AATK: variants seen among roughly 807,000 people sequenced by gnomAD.
The protein encoded by AATK is lemur tail kinase 1.
In AATK, 91 loss-of-function variants were observed where a neutral mutation model predicts 114.3. The observed-to-expected ratio is 0.80, with a 90% confidence interval of 0.67 to 0.95. AATK has a LOEUF of 0.95. Among genes scored for constraint, AATK ranks in the 40% least tolerant of loss-of-function variants. The pLI, the probability that AATK is intolerant of heterozygous loss-of-function variation, is 0.00. For missense variants in AATK, 2,176 were observed against 1,965.2 expected, an observed-to-expected ratio of 1.11 and a Z score of -2.03; for synonymous variants, 1,075 against 916.5, an observed-to-expected ratio of 1.17 and a Z score of -3.12.
At chr17:81,147,670 C>T (rs1468026608) in intron 1 of AATK, among the ~76,000 whole-genome samples, 1 of 151,916 alleles carries the variant, frequency 6.6e-6, no homozygotes, top group African/African-American at 2.4e-5. Context: ...GTCGGAGGAT[C>T]GCTTAAGCCC....
intron 1 of AATK, among the ~76,000 whole-genome samples, chr17:81,154,290 C>A (rs1157940334): frequency 1.3e-5 from 2 of 151,102 alleles, no homozygotes; most frequent in African/African-American, 4.9e-5. Flanking sequence ...TTCATAAATC[C>A]AATTTTCTTT....
rs375323038 is a variant in AATK, at chr17:81,119,433, G to A, written c.4031C>T (p.Thr1344Met). ...CACGTGCGTGATGGAGAAGCGGGAC[G>A]TGGGCGCGGGCGACACCGTGAAGCG... ...FSRFTVSPAP[T>M]SRFSITHVSD... The change falls in exon 13 of 14, where the codon ACG (threonine) becomes ATG (methionine). Residue 1344 changes from threonine to methionine, a missense_variant. Physicochemically the swap from Thr to Met is moderately conservative, Grantham distance 81. Coordinates refer to ENST00000326724, the MANE Select transcript of AATK (RefSeq NM_001080395.3). The A allele has an allele frequency of 3.1e-5, 48 of 1,524,944 alleles. No homozygotes were observed. Among genetic ancestry groups the A allele is most frequent in the Middle Eastern group, 3.5e-4 (2 of 5,724 alleles). The allele number at this position is 1,524,944 out of a possible 1,614,324, so 94.5% of individuals were successfully genotyped here.
intron 1 of AATK, among the ~76,000 whole-genome samples, chr17:81,150,220 C>T (rs1209445355): frequency 6.6e-6 from 1 of 151,900 alleles, no homozygotes; most frequent in African/African-American, 2.4e-5. Context: ...TTCTACAAGC[C>T]CCTGAGCTGT....
chr17:81,143,216 G>A (rs1429635223), intron 1 of AATK, among the ~76,000 whole-genome samples: 6 of 150,528 alleles, frequency 4.0e-5, no homozygotes, highest in Non-Finnish European at 7.4e-5. Context: ...CCCCCGCAAC[G>A]TGCACACGTC....
chr17:81,150,776 G>T (rs2061284704), intron 1 of AATK, among the ~76,000 whole-genome samples: 2 of 152,222 alleles, frequency 1.3e-5, no homozygotes, highest in South Asian at 4.1e-4. Context: ...GTGGCCAGCA[G>T]GTGGGCCTCG....
chr17:81,138,995 A>T (rs1375150508), intron 1 of AATK, among the ~76,000 whole-genome samples: 2 of 149,644 alleles, frequency 1.3e-5, no homozygotes, highest in Non-Finnish European at 3.0e-5. Context: ...GTGCGTACAC[A>T]CGCATGCACG....
chr17:81,138,312 C>T (rs1017074563), intron 1 of AATK, among the ~76,000 whole-genome samples: 2 of 150,528 alleles, frequency 1.3e-5, no homozygotes, highest in Non-Finnish European at 3.0e-5. Context: ...CATATCCACA[C>T]ACGTGCACAC....
intron 4 of AATK, 60 bp from the exon 5 acceptor site, chr17:81,127,970 C>A: frequency 6.5e-7 from 1 of 1,539,132 alleles, no homozygotes; most frequent in Non-Finnish European, 8.8e-7. Flanking sequence ...GGCTTCCAGG[C>A]CTTACTCTTC....
At chr17:81,127,274 C>A (rs1002940336) in intron 6 of AATK, among the ~76,000 whole-genome samples, 1 of 152,020 alleles carries the variant, frequency 6.6e-6, no homozygotes, top group African/African-American at 2.4e-5. Context: ...GTGCCCCCCC[C>A]CAGTTGGCCC....
chr17:81,149,709 A>T (rs1196717541), intron 1 of AATK, among the ~76,000 whole-genome samples: 1 of 151,444 alleles, frequency 6.6e-6, no homozygotes, highest in Non-Finnish European at 1.5e-5. Context: ...TGCCCCCATG[A>T]GCTCTGCCCC....
At position 81,121,792 on chromosome 17, in the gene AATK, G is replaced by A; in HGVS notation, c.2144C>T (p.Pro715Leu). Residue 715 changes from proline to leucine, a missense_variant, in exon 11 of 14, where the codon CCA becomes CTA. Transcript: ENST00000326724. ...AEGCPSPKQT[P>L]RASPEPGYPG... ...GTACCCCGGCTCGGGGGAGGCCCGT[G>A]GGGTCTGCTTTGGACTGGGGCAGCC... The A allele has an allele frequency of 2.6e-6, 4 of 1,567,312 alleles. No individual in the cohort carries two copies. Among genetic ancestry groups the A allele is most frequent in the Non-Finnish European group, 1.7e-6 (2 of 1,160,752 alleles).
intron 6 of AATK, 126 bp downstream of exon 6, chr17:81,127,457 G>A (rs2060858479): frequency 1.1e-6 from 1 of 926,326 alleles, no homozygotes; most frequent in Middle Eastern, 2.6e-4. Flanking sequence ...TGGGGGCAGG[G>A]TCCCTGGGTC....
chr17:81,128,326 C>G, intron 4 of AATK, 144 bp downstream of exon 4: 1 of 1,054,732 alleles, frequency 9.5e-7, no homozygotes, highest in Non-Finnish European at 1.4e-6. Context: ...TGCTGAGGAC[C>G]TCCCTGGGGA....
Position 81,128,507 on chromosome 17 carries a change from A to G in AATK, c.377T>C (p.Leu126Pro). Residue 126 changes from leucine (L) to proline (P), a missense_variant, in exon 4 of 14, where the codon CTG becomes CCG. Physicochemically the swap from Leu to Pro is moderately conservative, Grantham distance 98. Transcript: ENST00000326724. ...GCCACGGCCGATTTCCTTCAGGTAC[A>G]GGAGGCTGTGCCGGCCCACGTCTGT... The part of the protein sequence containing the change: ...KSTDVGRHSL[L>P]YLKEIGRGWF... 2 of 1,549,344 alleles carry G rather than the reference A, an allele frequency of 1.3e-6. No homozygotes were observed. Among genetic ancestry groups the G allele is most frequent in the Non-Finnish European group, 1.7e-6 (2 of 1,146,898 alleles).
At chr17:81,159,409 C>T (rs1044336393) in intron 1 of AATK, among the ~76,000 whole-genome samples, 8 of 152,276 alleles carry the variant, frequency 5.3e-5, no homozygotes, top group South Asian at 2.1e-4. Context: ...GGCGTGCTGC[C>T]GCGCGGGTAA....
intron 1 of AATK, among the ~76,000 whole-genome samples, chr17:81,156,908 A>T (rs769905561): frequency 8.0e-6 from 1 of 125,452 alleles, no homozygotes; most frequent in Non-Finnish European, 1.7e-5. Context: ...CCCCTCCCCA[A>T]CTCAGAAGCA....
rs1254386686 is a variant in AATK, at chr17:81,120,076, G to A, written c.3743C>T (p.Pro1248Leu). The A allele has an allele frequency of 1.4e-6, 2 of 1,460,718 alleles. No individual in the cohort carries two copies. Among genetic ancestry groups the A allele is most frequent in the African/African-American group, 2.9e-5 (2 of 68,152 alleles). The allele number at this position is 1,460,718 out of a possible 1,614,324, so 90.5% of individuals were successfully genotyped here. A position where few individuals can be genotyped will look rare whatever the true frequency, so the allele number is the denominator to read the frequency against. The change falls in exon 12 of 14, where the codon CCC (proline) becomes CTC (leucine). Residue 1248 changes from proline to leucine, a missense_variant. By Grantham distance (98) the Pro-to-Leu change is moderately conservative. This residue lies in a region of AATK where 1,701 missense variants were observed against 1,394.7 expected (regional missense o/e 1.22). Transcript: ENST00000326724. Reference protein sequence around the residue: ...VTVYLFDQESPTRELGEPFPG... With the variant: ...VTVYLFDQESLTRELGEPFPG... ...GAAGGGCTCCCCGAGCTCCCGGGTG[G>A]GGCTTTCCTGGAGGAATCAGAGAGC...
chr17:81,156,980 G>C (rs1208010039), intron 1 of AATK, among the ~76,000 whole-genome samples: 1 of 152,182 alleles, frequency 6.6e-6, no homozygotes, highest in East Asian at 1.9e-4. Context: ...GAGAGGGCAG[G>C]AGGAGCCTCT....
chr17:81,126,670 G>A lies in AATK; in HGVS notation c.622-110C>T. ...CACCCCTACCCACAGCTGAGGGACA[G>A]CAGCTGCCCAGAGCAGCCTCGTGCC... On this transcript the variant is annotated intron_variant, in intron 6 of 13. Transcript: ENST00000326724. This position sits in a 1 kb window ranked among gnomAD's most constrained non-coding sequence, Gnocchi z 5.1. 1 of 1,457,688 alleles carries A rather than the reference G, an allele frequency of 6.9e-7. No individual in the cohort carries two copies. Among genetic ancestry groups the A allele is most frequent in the Non-Finnish European group, 9.1e-7 (1 of 1,101,700 alleles). The allele number at this position is 1,457,688 out of a possible 1,614,324, so 90.3% of individuals were successfully genotyped here. A position where few individuals can be genotyped will look rare whatever the true frequency, so the allele number is the denominator to read the frequency against.
Sources: allele counts gnomAD v4.1 joint callset (sites outside exome capture counted in the v4.1 genomes callset), GRCh38; gene constraint gnomAD v4.1.1; regional missense constraint gnomAD v4.1.1; non-coding constraint Gnocchi (gnomAD v3.1); transcripts MANE v1.5; gene names NCBI Gene and HGNC (gene_info 2026-07-23, HGNC 2026-07-21).